GPR158: variants seen among roughly 807,000 people sequenced by gnomAD.
GPR158 encodes the protein metabotropic glycine receptor.
A neutral mutation model predicts 78.2 loss-of-function variants in GPR158; 30 were observed. That is an observed-to-expected ratio of 0.38 (90% CI 0.29 to 0.52). The LOEUF is 0.52. Among genes scored for constraint, GPR158 ranks in the 20% least tolerant of loss-of-function variants. The pLI is 0.83. For missense variants in GPR158, 1,463 were observed against 1,523.5 expected, an observed-to-expected ratio of 0.96 and a Z score of 0.66; for synonymous variants, 581 against 591.1, an observed-to-expected ratio of 0.98 and a Z score of 0.25.
intron 4 of GPR158, among the ~76,000 whole-genome samples, chr10:25,441,260 G>A (rs1220056052): frequency 1.3e-5 from 2 of 152,156 alleles, no homozygotes; most frequent in East Asian, 3.8e-4. Context: ...CTGGCTACCT[G>A]CTTCTATTTA....
chr10:25,453,060 GC>G (rs1271083739), intron 4 of GPR158, among the ~76,000 whole-genome samples: 1 of 152,094 alleles, frequency 6.6e-6, no homozygotes, highest in African/African-American at 2.4e-5. Context: ...AGGATTTCCT[GC>G]TTTTTAAAGG....
intron 1 of GPR158, among the ~76,000 whole-genome samples, chr10:25,219,441 G>A (rs190265155): frequency 2.6e-5 from 4 of 152,224 alleles, no homozygotes; most frequent in South Asian, 2.1e-4. Flanking sequence ...GTTTTATTGC[G>A]TTATGGCCCA....
At position 25,372,958 on chromosome 10, in the gene GPR158, C is replaced by G. The variant is rs550810017; in HGVS notation, c.1009-22953C>G. On this transcript the variant is annotated intron_variant, in intron 2 of 10. Coordinates refer to ENST00000376351, the MANE Select transcript of GPR158 (RefSeq NM_020752.3). ...AGCAATCTTATTACTCGGTATATAC[C>G]CAAAGGAATATAAATTGTCTGTCAT... 1.3e-4 allele frequency among the ~76,000 whole-genome samples: 19 copies of G among 151,706 alleles called. No individual in the cohort carries two copies. In the South Asian group the frequency reaches 4.0e-3, roughly 32 times the overall value.
chr10:25,572,601 T>A (rs1406336601), intron 6 of GPR158, 48 bp from the exon 7 acceptor site: 4 of 1,161,308 alleles, frequency 3.4e-6, no homozygotes, highest in Non-Finnish European at 3.9e-6. Context: ...AGAGTTATAC[T>A]TTCTGAATGT....
At chr10:25,285,106 A>G (rs531932173) in intron 2 of GPR158, among the ~76,000 whole-genome samples, 1 of 150,400 alleles carries the variant, frequency 6.6e-6, no homozygotes, top group Admixed American at 6.6e-5. Flanking sequence ...ATGTGCATAA[A>G]TCTACATTAC....
chr10:25,552,720 T>C (rs1836742567), intron 6 of GPR158, among the ~76,000 whole-genome samples: 1 of 152,148 alleles, frequency 6.6e-6, no homozygotes, highest in Admixed American at 6.5e-5. Flanking sequence ...CCCGTCATTC[T>C]CTCCACACAT....
rs557704695 is a variant in GPR158, at chr10:25,406,329, T to G, written c.1112-5921T>G. ...CAGATCTGAAGGGCATTGTATACAG[T>G]TTTTAGAGGGATCCCAGCAGGATTG... is the stretch of plus-strand genomic sequence containing the variant. On this transcript the variant is annotated intron_variant, in intron 3 of 10. Coordinates refer to ENST00000376351, the MANE Select transcript of GPR158 (RefSeq NM_020752.3). Among the ~76,000 whole-genome samples, 14 of 152,178 alleles carry G rather than the reference T, an allele frequency of 9.2e-5. No individual in the cohort carries two copies. The East Asian group carries it at 1.4e-3, about 15-fold the overall frequency.
chr10:25,225,695 G>C (rs1337091330), intron 2 of GPR158, among the ~76,000 whole-genome samples: 2 of 152,046 alleles, frequency 1.3e-5, no homozygotes, highest in East Asian at 3.9e-4. Flanking sequence ...CAGATTCACT[G>C]GAGTGGTTGT....
intron 2 of GPR158, among the ~76,000 whole-genome samples, chr10:25,390,907 A>T (rs1834287175): frequency 6.6e-6 from 1 of 152,010 alleles, no homozygotes; most frequent in African/African-American, 2.4e-5. Context: ...GGGGGAGAAA[A>T]TGGTTTCGTG....
chr10:25,201,145 ATTTTTCCATT>A (rs1334997474), intron 1 of GPR158, among the ~76,000 whole-genome samples: 1 of 151,426 alleles, frequency 6.6e-6, no homozygotes, highest in Non-Finnish European at 1.5e-5. Context: ...AGCATGGAAT[ATTTTTCCATT>A]TTTTGTGTCA....
At chr10:25,390,453 A>G (rs917953382) in intron 2 of GPR158, among the ~76,000 whole-genome samples, 21 of 152,314 alleles carry the variant, frequency 1.4e-4, no homozygotes, top group Admixed American at 1.3e-3. Flanking sequence ...TGGGAACTGG[A>G]GCAAAGGTGA....
At chr10:25,375,749 G>C (rs1323660604) in intron 2 of GPR158, among the ~76,000 whole-genome samples, 3 of 151,464 alleles carry the variant, frequency 2.0e-5, no homozygotes, top group African/African-American at 7.3e-5. Context: ...TGAATCTTTT[G>C]CCTATTCCTT....
At chr10:25,222,479 A>G (rs776220809) in intron 2 of GPR158, among the ~76,000 whole-genome samples, 2 of 151,750 alleles carry the variant, frequency 1.3e-5, no homozygotes, top group Non-Finnish European at 2.9e-5. Flanking sequence ...ACACCTCCAC[A>G]GAGACTGCCA....
intron 2 of GPR158, among the ~76,000 whole-genome samples, chr10:25,271,896 T>C (rs1316109554): frequency 1.3e-5 from 2 of 152,116 alleles, no homozygotes; most frequent in African/African-American, 4.8e-5. Context: ...CACCTCGGCT[T>C]CCAAAAGTGC....
chr10:25,596,666 A>T lies in GPR158; in HGVS notation c.2022A>T (p.Pro674=). The T allele has an allele frequency of 6.2e-7, 1 of 1,613,204 alleles. No individual in the cohort carries two copies. Among genetic ancestry groups the T allele is most frequent in the East Asian group, 2.2e-5 (1 of 44,854 alleles). ...IPKFSHSSNN[P]RDDIATEAYE... ...AGTTTTCACATTCAAGCAATAACCCACGAGATGATATTGCTACAGAAGCAT... is the reference window on the plus strand; with the variant it reads ...AGTTTTCACATTCAAGCAATAACCCTCGAGATGATATTGCTACAGAAGCAT... Residue 674 remains proline, a synonymous_variant, in exon 10 of 11, where the codon CCA becomes CCT. Coordinates refer to ENST00000376351, the MANE Select transcript of GPR158 (RefSeq NM_020752.3).
chr10:25,379,117 T>C (rs2130562318), intron 2 of GPR158, among the ~76,000 whole-genome samples: 1 of 152,282 alleles, frequency 6.6e-6, no homozygotes, highest in South Asian at 2.1e-4. Context: ...TTGCATTTAA[T>C]TTCAATATAC....
At chr10:25,552,772 C>T (rs1473462699) in intron 6 of GPR158, among the ~76,000 whole-genome samples, 2 of 152,178 alleles carry the variant, frequency 1.3e-5, no homozygotes, top group Non-Finnish European at 2.9e-5. Flanking sequence ...TGTACCTCAG[C>T]CTGTCTCCAA....
intron 4 of GPR158, among the ~76,000 whole-genome samples, chr10:25,455,748 T>C (rs1835282765): frequency 6.6e-6 from 1 of 152,172 alleles, no homozygotes; most frequent in Admixed American, 6.5e-5. Flanking sequence ...TTGCAACATA[T>C]TAATAATTCG....
chr10:25,543,052 A>C (rs1374276241), intron 5 of GPR158, among the ~76,000 whole-genome samples: 1 of 152,164 alleles, frequency 6.6e-6, no homozygotes, highest in Non-Finnish European at 1.5e-5. Context: ...ATAATTTCAA[A>C]GATTTCTTTG....
Sources: allele counts gnomAD v4.1 joint callset (sites outside exome capture counted in the v4.1 genomes callset), GRCh38; gene constraint gnomAD v4.1.1; transcripts MANE v1.5; gene names NCBI Gene and HGNC (gene_info 2026-07-23, HGNC 2026-07-21).